The following GLIS3 variants were observed in gnomAD, a reference collection of about 807,000 sequenced individuals.
GLIS3 encodes GLIS family zinc finger 3.
Under a neutral mutation model 78.6 loss-of-function variants are expected in GLIS3, and 53 were observed. That is an observed-to-expected ratio of 0.67 (90% CI 0.54 to 0.85). The LOEUF (loss-of-function observed/expected upper bound fraction) is 0.85. Among genes scored for constraint, GLIS3 ranks in the 40% least tolerant of loss-of-function variants. The pLI is 0.00. For synonymous variants in GLIS3, 684 were observed against 509.9 expected (o/e 1.34, Z -4.60); for missense variants, 1,703 against 1,231.1 (o/e 1.38, Z -5.74).
upstream of GLIS3, among the ~76,000 whole-genome samples, chr9:4,302,737 C>T (rs1053419603): frequency 1.3e-5 from 2 of 152,172 alleles, no homozygotes; most frequent in Admixed American, 1.3e-4. Context: ...ATTGTGCATG[C>T]TCTTTGAATG....
the GLIS3 span, among the ~76,000 whole-genome samples, chr9:4,400,932 G>A: frequency 3.9e-5 from 6 of 152,194 alleles, no homozygotes; most frequent in Non-Finnish European, 7.3e-5. Context: ...GGAGTATGCC[G>A]TAGGCCTCGG....
At chr9:4,127,935 T>A (rs551609546) in intron 2 of GLIS3, among the ~76,000 whole-genome samples, 12 of 152,278 alleles carry the variant, frequency 7.9e-5, no homozygotes, top group Admixed American at 3.3e-4. Flanking sequence ...AACATACCAA[T>A]AGATTATTTC....
chr9:4,023,203 C>T (rs927100676), intron 4 of GLIS3, among the ~76,000 whole-genome samples: 2 of 152,180 alleles, frequency 1.3e-5, no homozygotes, highest in East Asian at 3.8e-4. Flanking sequence ...CCCAGTGCTA[C>T]ACATGGTTTG....
At chr9:4,120,313 C>T (rs1157949867) in intron 3 of GLIS3, among the ~76,000 whole-genome samples, 2 of 152,220 alleles carry the variant, frequency 1.3e-5, no homozygotes, top group Non-Finnish European at 1.5e-5. Context: ...CCATCATCAA[C>T]GAGATGTTAC....
chr9:4,069,309 C>T (rs910310514), intron 4 of GLIS3, among the ~76,000 whole-genome samples: 1 of 152,202 alleles, frequency 6.6e-6, no homozygotes, highest in African/African-American at 2.4e-5. Context: ...TATTGGAAAG[C>T]CTGCCTGGCT....
the GLIS3 span, among the ~76,000 whole-genome samples, chr9:4,436,751 A>G: frequency 1.4e-5 from 2 of 138,262 alleles, no homozygotes; most frequent in Non-Finnish European, 3.0e-5. Flanking sequence ...TGTTGCAGTG[A>G]GCCGAGATTG....
intron 2 of GLIS3, among the ~76,000 whole-genome samples, chr9:4,128,471 T>G (rs1832735844): frequency 6.6e-6 from 1 of 152,232 alleles, no homozygotes; most frequent in Non-Finnish European, 1.5e-5. Flanking sequence ...CATAATAAAG[T>G]CTATCCAGTG....
At chr9:4,459,815 G>GA in the GLIS3 span, among the ~76,000 whole-genome samples, 108 of 151,506 alleles carry the variant, frequency 7.1e-4, no homozygotes, top group African/African-American at 2.5e-3. Flanking sequence ...TCTCAAAAAA[G>GA]AAAAAAAGAA....
intron 2 of GLIS3, among the ~76,000 whole-genome samples, chr9:4,327,341 G>A (rs1323896957): frequency 6.6e-6 from 1 of 152,166 alleles, no homozygotes; most frequent in Non-Finnish European, 1.5e-5. Flanking sequence ...TAGAGTAGGG[G>A]AAGAGGGAGG....
intron 2 of GLIS3, among the ~76,000 whole-genome samples, chr9:4,192,874 G>C (rs1364774155): frequency 6.6e-6 from 1 of 152,058 alleles, no homozygotes; most frequent in Non-Finnish European, 1.5e-5. Context: ...AGGTAAATGG[G>C]AGACACTCCA....
intron 2 of GLIS3, among the ~76,000 whole-genome samples, chr9:4,179,594 C>G (rs1476844666): frequency 6.6e-6 from 1 of 152,116 alleles, no homozygotes; most frequent in Non-Finnish European, 1.5e-5. Flanking sequence ...GAAATATAAG[C>G]CTTTAAAGAT....
intron 2 of GLIS3, among the ~76,000 whole-genome samples, chr9:4,344,071 C>G (rs1197080817): frequency 1.3e-5 from 2 of 152,142 alleles, no homozygotes; most frequent in East Asian, 1.9e-4. Context: ...ACCTAAAACT[C>G]AGAAAGAAAT....
At chr9:4,287,376 G>C (rs960101324) in intron 1 of GLIS3, among the ~76,000 whole-genome samples, 1 of 152,200 alleles carries the variant, frequency 6.6e-6, no homozygotes, top group African/African-American at 2.4e-5. Context: ...ACCAAGAGAA[G>C]CACTGACATG....
chr9:3,972,109 TA>T (rs1818424984), intron 4 of GLIS3, among the ~76,000 whole-genome samples: 1 of 152,184 alleles, frequency 6.6e-6, no homozygotes. Flanking sequence ...GAATGCCATA[TA>T]AAGGTATACT....
chr9:4,070,781 T>G (rs1359333002), intron 4 of GLIS3: 1 of 152,210 alleles, frequency 6.6e-6, no homozygotes, highest in Admixed American at 6.5e-5. Flanking sequence ...ATCAATTAAG[T>G]CATCTGTTGC....
At chr9:4,323,688 C>G (rs780963926) in intron 2 of GLIS3, among the ~76,000 whole-genome samples, 5 of 152,184 alleles carry the variant, frequency 3.3e-5, no homozygotes, top group Non-Finnish European at 5.9e-5. Flanking sequence ...GTGGTCATTA[C>G]CACCATAGCA....
intron 4 of GLIS3, among the ~76,000 whole-genome samples, chr9:3,984,953 T>C (rs1377664534): frequency 6.6e-6 from 1 of 152,166 alleles, no homozygotes; most frequent in Non-Finnish European, 1.5e-5. Flanking sequence ...GACTTGCTCG[T>C]CCTTGCCTTC....
At chr9:3,966,768 A>G (rs187162064) in intron 4 of GLIS3, among the ~76,000 whole-genome samples, 7 of 151,690 alleles carry the variant, frequency 4.6e-5, no homozygotes, top group Admixed American at 3.3e-4. Flanking sequence ...AGCCTGGGTG[A>G]CAGACAAAAA....
chr9:4,069,001 G>A (rs1353895289), intron 4 of GLIS3, among the ~76,000 whole-genome samples: 2 of 152,082 alleles, frequency 1.3e-5, no homozygotes, highest in African/African-American at 2.4e-5. Context: ...GGAGAACTAA[G>A]GCCCAGAAAA....
Sources: allele counts gnomAD v4.1 joint callset (sites outside exome capture counted in the v4.1 genomes callset), GRCh38; gene constraint gnomAD v4.1.1; transcripts MANE v1.5; gene names NCBI Gene and HGNC (gene_info 2026-07-23, HGNC 2026-07-21).